RAPGEF5: variants seen among roughly 807,000 people sequenced by gnomAD.
The protein encoded by RAPGEF5 is Rap guanine nucleotide exchange factor 5.
A neutral mutation model predicts 125.2 loss-of-function variants in RAPGEF5; 65 were observed. That is an observed-to-expected ratio of 0.52 (90% CI 0.43 to 0.64). RAPGEF5 has a LOEUF of 0.64. Among genes scored for constraint, RAPGEF5 ranks in the 30% least tolerant of loss-of-function variants. The pLI is 0.00. For missense variants in RAPGEF5, 958 were observed against 1,048.1 expected (o/e 0.91, Z 1.19); for synonymous variants, 391 against 385.9 (o/e 1.01, Z -0.16).
intron 5 of RAPGEF5, among the ~76,000 whole-genome samples, chr7:22,304,836 C>T (rs1332282877): frequency 1.3e-5 from 2 of 152,202 alleles, no homozygotes; most frequent in Non-Finnish European, 2.9e-5. Flanking sequence ...CAGGACACTT[C>T]TGACCTATAT....
intron 7 of RAPGEF5, among the ~76,000 whole-genome samples, chr7:22,252,775 G>A (rs1302843314): frequency 6.6e-6 from 1 of 152,172 alleles, no homozygotes; most frequent in African/African-American, 2.4e-5. Context: ...TTGTATCCCA[G>A]TGGGAGAGTT....
At chr7:22,191,629 A>T (rs547115783) in intron 11 of RAPGEF5, 2 of 470,652 alleles carry the variant, frequency 4.2e-6, no homozygotes. Context: ...ATGTGATCCC[A>T]GGGGTTGGTA....
intron 18 of RAPGEF5, among the ~76,000 whole-genome samples, chr7:22,147,513 C>T (rs1783482368): frequency 6.6e-6 from 1 of 152,124 alleles, no homozygotes; most frequent in African/African-American, 2.4e-5. Flanking sequence ...TATTAAAATG[C>T]CCATAGAAAG....
At chr7:22,173,351 C>T (rs1784408035) in intron 11 of RAPGEF5, among the ~76,000 whole-genome samples, 2 of 152,222 alleles carry the variant, frequency 1.3e-5, no homozygotes, top group Non-Finnish European at 2.9e-5. Context: ...CAGCTTTTTA[C>T]TACAGCTCTT....
intron 11 of RAPGEF5, among the ~76,000 whole-genome samples, chr7:22,191,283 T>A (rs1273272197): frequency 2.6e-5 from 4 of 152,214 alleles, no homozygotes; most frequent in Non-Finnish European, 4.4e-5. Flanking sequence ...TCTGTTGTGT[T>A]TTCTCCAAGT....
In RAPGEF5 at chr7:22,121,241, A is replaced by AAAG. The variant is rs1362763852; in HGVS notation, c.*1162_*1164dup. On this transcript the variant is annotated 3_prime_UTR_variant, in exon 26 of 26. Transcript: ENST00000665637. Reference sequence around the variant, plus strand: ...CTCAGATTTTGAAAAAAAAAAAAAAAAAGGCAAATTATAGAAAGGCTCCCT... The same window carrying AAAG: ...CTCAGATTTTGAAAAAAAAAAAAAAAAAGAAGGCAAATTATAGAAAGGCTCCCT... 1 of 152,002 alleles carries AAAG rather than the reference A, an allele frequency of 6.6e-6. No individual in the cohort carries two copies. Among genetic ancestry groups the AAAG allele is most frequent in the Non-Finnish European group, 1.5e-5 (1 of 67,984 alleles). 9.4% of individuals were successfully genotyped at this position (152,002 alleles called of 1,614,324 possible).
intron 3 of RAPGEF5, among the ~76,000 whole-genome samples, chr7:22,311,770 CCAAA>C (rs1783476865): frequency 6.6e-6 from 1 of 152,098 alleles, no homozygotes; most frequent in African/African-American, 2.4e-5. Context: ...GGCAATTAGA[CCAAA>C]CAGTCAAGAC....
Position 22,167,134 on chromosome 7 carries a change from C to A in RAPGEF5, c.1219G>T (p.Asp407Tyr). Residue 407 changes from aspartate (D) to tyrosine (Y), a missense_variant, in exon 12 of 26, where the codon GAC becomes TAC. Physicochemically the swap from Asp to Tyr is radical, Grantham distance 160 (BLOSUM62 -3). Coordinates refer to ENST00000665637, the MANE Select transcript of RAPGEF5 (RefSeq NM_012294.5). ...QDKETETLLD[D>Y]FLLTYTVFMT... ...AAGACAGTGTACGTGAGAAGGAAGT[C>A]ATCCAGGAGGGTCTCTGCAAAGAAA... The A allele has an allele frequency of 6.2e-7, 1 of 1,611,782 alleles. No homozygotes were observed. The highest frequency in any genetic ancestry group is 1.1e-5 in the South Asian group (1 of 90,698).
chr7:22,330,078 C>G (rs1300875449), intron 1 of RAPGEF5, among the ~76,000 whole-genome samples: 1 of 152,182 alleles, frequency 6.6e-6, no homozygotes, highest in East Asian at 1.9e-4. Context: ...ATAGCCCTGT[C>G]ACCTCCAACC....
intron 11 of RAPGEF5, among the ~76,000 whole-genome samples, chr7:22,187,315 T>C (rs562710555): frequency 2.6e-5 from 4 of 152,332 alleles, no homozygotes; most frequent in African/African-American, 9.6e-5. Flanking sequence ...ACTTTAGAGA[T>C]CATTTCATTT....
chr7:22,170,010 C>CA (rs879869151), intron 11 of RAPGEF5, among the ~76,000 whole-genome samples: 3,571 of 135,356 alleles, frequency 0.026, 66 homozygotes, highest in African/African-American at 0.057. Flanking sequence ...GACTCTGTCT[C>CA]AAAAAAAAAA....
At chr7:22,132,380 T>C (rs75553702) in intron 23 of RAPGEF5, among the ~76,000 whole-genome samples, 2 of 5,156 alleles carry the variant, frequency 3.9e-4, no homozygotes, top group Non-Finnish European at 1.4e-3. Flanking sequence ...TTTCCTCTCT[T>C]TTTTTTTTTT....
intron 8 of RAPGEF5, among the ~76,000 whole-genome samples, chr7:22,229,694 G>T (rs1017193466): frequency 6.6e-6 from 1 of 152,190 alleles, no homozygotes; most frequent in Non-Finnish European, 1.5e-5. Flanking sequence ...CGGGCCTGCA[G>T]AATTAAACCA....
intron 1 of RAPGEF5, among the ~76,000 whole-genome samples, chr7:22,327,335 T>C (rs978233650): frequency 1.3e-5 from 2 of 152,248 alleles, no homozygotes; most frequent in Non-Finnish European, 2.9e-5. Context: ...TTCCAGATTC[T>C]TATTTACATT....
chr7:22,336,433 C>A (rs1235616235), intron 1 of RAPGEF5, among the ~76,000 whole-genome samples: 1 of 152,100 alleles, frequency 6.6e-6, no homozygotes, highest in Admixed American at 6.6e-5. Flanking sequence ...CAGAAACAGG[C>A]TATACCCTAC....
intron 8 of RAPGEF5, among the ~76,000 whole-genome samples, chr7:22,229,496 A>G (rs969373352): frequency 6.6e-5 from 10 of 152,248 alleles, no homozygotes; most frequent in African/African-American, 2.4e-4. Flanking sequence ...ATAGGTGCTC[A>G]AGCCATTAAA....
intron 1 of RAPGEF5, among the ~76,000 whole-genome samples, chr7:22,344,832 A>G (rs1457162900): frequency 2.0e-5 from 3 of 152,226 alleles, no homozygotes; most frequent in African/African-American, 7.2e-5. Flanking sequence ...TTCATTCAAT[A>G]AAGTTCTTAT....
intron 11 of RAPGEF5, among the ~76,000 whole-genome samples, chr7:22,183,710 C>T (rs1784745797): frequency 6.6e-6 from 1 of 152,206 alleles, no homozygotes; most frequent in Admixed American, 6.6e-5. Context: ...AGGAAATAAG[C>T]AGTCACATGC....
chr7:22,214,497 A>G (rs970774004), intron 9 of RAPGEF5, among the ~76,000 whole-genome samples: 22 of 152,212 alleles, frequency 1.4e-4, no homozygotes, highest in African/African-American at 5.1e-4. Flanking sequence ...CATAAACTAC[A>G]TTTCGGGAAA....
Sources: allele counts gnomAD v4.1 joint callset (sites outside exome capture counted in the v4.1 genomes callset), GRCh38; gene constraint gnomAD v4.1.1; transcripts MANE v1.5; gene names NCBI Gene and HGNC (gene_info 2026-07-23, HGNC 2026-07-21).